Variants in TBC1D5 observed in about 807,000 individuals in gnomAD.
TBC1D5 encodes the protein TBC1 domain family member 5.
Under a neutral mutation model 100.3 loss-of-function variants are expected in TBC1D5, and 75 were observed. That is an observed-to-expected ratio of 0.75 (90% CI 0.62 to 0.91). The LOEUF is 0.91. Ranked by LOEUF, TBC1D5 falls within the 40% of genes least tolerant of loss-of-function variation. The pLI, the probability that TBC1D5 is intolerant of heterozygous loss-of-function variation, is 0.00. For missense variants in TBC1D5, 910 were observed against 942.4 expected, an observed-to-expected ratio of 0.97 and a Z score of 0.45; for synonymous variants, 323 against 325.6, an observed-to-expected ratio of 0.99 and a Z score of 0.09.
intron 3 of TBC1D5, among the ~76,000 whole-genome samples, chr3:17,438,846 A>T (rs2094585171): frequency 6.6e-6 from 1 of 152,132 alleles, no homozygotes; most frequent in Non-Finnish European, 1.5e-5. Flanking sequence ...ACAAAACAAA[A>T]AATCATTGTA....
chr3:17,321,994 C>G (rs200111139), intron 13 of TBC1D5, among the ~76,000 whole-genome samples: 1 of 152,142 alleles, frequency 6.6e-6, no homozygotes, highest in Non-Finnish European at 1.5e-5. Flanking sequence ...CCATGAATTA[C>G]GAGAGGTACA....
At chr3:17,272,944 C>T (rs528933027) in intron 15 of TBC1D5, among the ~76,000 whole-genome samples, 1 of 152,286 alleles carries the variant, frequency 6.6e-6, no homozygotes, top group Non-Finnish European at 1.5e-5. Flanking sequence ...CTATGTTGCT[C>T]ATTTATTTTC....
intron 18 of TBC1D5, among the ~76,000 whole-genome samples, chr3:17,212,324 A>G (rs1198518988): frequency 6.6e-6 from 1 of 152,200 alleles, no homozygotes; most frequent in Non-Finnish European, 1.5e-5. Flanking sequence ...TCATAATGTC[A>G]TAGTGCAATG....
rs550738984 is a variant in TBC1D5 at position 17,684,540 on chromosome 3, T to G, written c.-101+54803A>C. Among the ~76,000 whole-genome samples the G allele has an allele frequency of 3.3e-5, 5 of 152,188 alleles. No homozygotes were observed. The South Asian group carries it at 1.0e-3, about 32-fold the overall frequency. ...ATATGGCACTCACCCGAATGACTACTTTAACCTATTCATTAAACCCTTTCA... is the reference window on the plus strand; with the variant it reads ...ATATGGCACTCACCCGAATGACTACGTTAACCTATTCATTAAACCCTTTCA... On this transcript the variant is annotated intron_variant, in intron 1 of 21. Coordinates refer to ENST00000253692, the Ensembl canonical transcript of TBC1D5.
intron 17 of TBC1D5, among the ~76,000 whole-genome samples, chr3:17,222,508 G>C (rs2074398255): frequency 6.6e-6 from 1 of 152,030 alleles, no homozygotes; most frequent in African/African-American, 2.4e-5. Flanking sequence ...TTGAATGTTA[G>C]CTTGGCTGAG....
rs9867282 is a variant in TBC1D5 at position 17,450,341 on chromosome 3, C to A, written c.98-21822G>T. On this transcript the variant is annotated intron_variant, in intron 3 of 21. Coordinates refer to ENST00000253692, the Ensembl canonical transcript of TBC1D5. Reference sequence around the variant, plus strand: ...ATACCTCTTCTCCTCCAAAGGATCACAACTCCTTACCAGCAAGGGAACAAA... The same window carrying A: ...ATACCTCTTCTCCTCCAAAGGATCAAAACTCCTTACCAGCAAGGGAACAAA... Among the ~76,000 whole-genome samples, 144 of 152,264 alleles carry A rather than the reference C, an allele frequency of 9.5e-4. 1 individual carries two copies. Among genetic ancestry groups the A allele is most frequent in the African/African-American group, 3.3e-3 (137 of 41,554 alleles).
At chr3:17,363,763 T>C (rs1326011508) in intron 13 of TBC1D5, among the ~76,000 whole-genome samples, 1 of 152,030 alleles carries the variant, frequency 6.6e-6, no homozygotes, top group East Asian at 1.9e-4. Flanking sequence ...TACTGGCCAT[T>C]GTTAATTTTT....
At chr3:17,567,553 C>G (rs1307758618) in intron 2 of TBC1D5, among the ~76,000 whole-genome samples, 1 of 151,736 alleles carries the variant, frequency 6.6e-6, no homozygotes, top group Non-Finnish European at 1.5e-5. Context: ...CTTTCCTTCT[C>G]GATCCTTGAA....
intron 17 of TBC1D5, among the ~76,000 whole-genome samples, chr3:17,225,197 G>C (rs566926675): frequency 5.9e-5 from 9 of 152,050 alleles, no homozygotes; most frequent in Non-Finnish European, 1.2e-4. Context: ...CCAGCACTTT[G>C]GGAGGCCGAG....
At chr3:17,568,683 T>C (rs1457916116) in intron 2 of TBC1D5, among the ~76,000 whole-genome samples, 2 of 151,646 alleles carry the variant, frequency 1.3e-5, no homozygotes, top group Non-Finnish European at 3.0e-5. Flanking sequence ...TTTAATATTT[T>C]ATAATTCATT....
rs1216130962 is a variant in TBC1D5, at chr3:17,590,254, G to A, written c.-36+33595C>T. 2.0e-5 allele frequency among the ~76,000 whole-genome samples: 3 copies of A among 152,328 alleles called. No homozygotes were observed. In the East Asian group the frequency reaches 5.8e-4, roughly 29 times the overall value. On this transcript the variant is annotated intron_variant, in intron 2 of 21. Coordinates refer to ENST00000253692, the Ensembl canonical transcript of TBC1D5. ...TGTACATTAAGGGTGTAGGATAATG[G>A]TGGAAGGAACACAGAGTTAGATCAG...
chr3:17,372,314 T>G (rs755652438), intron 12 of TBC1D5, 67 bp from the exon 13 acceptor site: 1 of 1,369,060 alleles, frequency 7.3e-7, no homozygotes, highest in Non-Finnish European at 9.8e-7. Context: ...GATGTCATTC[T>G]TTATCAATGA....
chr3:17,195,860 C>G (rs2070613822), intron 18 of TBC1D5, among the ~76,000 whole-genome samples: 1 of 151,618 alleles, frequency 6.6e-6, no homozygotes, highest in Non-Finnish European at 1.5e-5. Context: ...ATTCATATGC[C>G]TATCATACTT....
intron 3 of TBC1D5, among the ~76,000 whole-genome samples, chr3:17,454,952 A>C (rs185854996): frequency 1.1e-4 from 16 of 152,116 alleles, no homozygotes; most frequent in South Asian, 2.1e-4. Context: ...ACAACAACAA[A>C]AAAAGGAAAG....
intron 2 of TBC1D5, among the ~76,000 whole-genome samples, chr3:17,591,272 A>AAAAAAAAC (rs2096769889): frequency 7.0e-6 from 1 of 143,754 alleles, no homozygotes; most frequent in Non-Finnish European, 1.5e-5. Flanking sequence ...AAAAACAAAA[A>AAAAAAAAC]CCCCAGAGAA....
intron 3 of TBC1D5, among the ~76,000 whole-genome samples, chr3:17,488,980 G>C (rs1455705279): frequency 6.6e-6 from 1 of 150,578 alleles, no homozygotes; most frequent in East Asian, 1.9e-4. Flanking sequence ...ATCTGATGTG[G>C]AACAGTTTCA....
chr3:17,376,962 G>A (rs2092735291), intron 9 of TBC1D5, among the ~76,000 whole-genome samples: 2 of 152,056 alleles, frequency 1.3e-5, no homozygotes, highest in Non-Finnish European at 2.9e-5. Flanking sequence ...ATAATCATGA[G>A]CTACAGTGTT....
chr3:17,683,049 T>C (rs557327182), intron 1 of TBC1D5, among the ~76,000 whole-genome samples: 3 of 151,678 alleles, frequency 2.0e-5, no homozygotes, highest in South Asian at 4.1e-4. Flanking sequence ...ATTCAGAACA[T>C]CTTTCCTTAC....
chr3:17,357,078 T>C (rs1025053580), intron 13 of TBC1D5, among the ~76,000 whole-genome samples: 1 of 152,186 alleles, frequency 6.6e-6, no homozygotes, highest in Non-Finnish European at 1.5e-5. Flanking sequence ...ACTCTTCCCA[T>C]GTTTTATTTT....
Sources: allele counts gnomAD v4.1 joint callset (sites outside exome capture counted in the v4.1 genomes callset), GRCh38; gene constraint gnomAD v4.1.1; transcripts MANE v1.5; gene names NCBI Gene and HGNC (gene_info 2026-07-23, HGNC 2026-07-21).